ALDH4A1: variants seen among roughly 807,000 people sequenced by gnomAD.
The protein encoded by ALDH4A1 is delta-1-pyrroline-5-carboxylate dehydrogenase, mitochondrial.
Under a neutral mutation model 70.5 loss-of-function variants are expected in ALDH4A1, and 46 were observed. The ratio of observed to expected loss-of-function variants is 0.65; its 90% confidence interval spans 0.51 to 0.83. The LOEUF is 0.83. Among genes scored for constraint, ALDH4A1 ranks in the 40% least tolerant of loss-of-function variants. ALDH4A1 has a pLI of 0.00. For synonymous variants in ALDH4A1, 323 were observed against 324.3 expected (o/e 1.00, Z 0.04); for missense variants, 749 against 766.5 (o/e 0.98, Z 0.27).
Position 18,889,555 on chromosome 1 carries a change from C to A in ALDH4A1, c.157-101G>T. On this transcript the variant is annotated intron_variant, in intron 2 of 14. Transcript: ENST00000375341. ...CACAGACGGAGGTGCCCAGGCAATA[C>A]AGAAATGAGAAGGGGGCCAGGCCAG... is the stretch of plus-strand genomic sequence containing the variant. 7 of 1,108,914 alleles carry A rather than the reference C, an allele frequency of 6.3e-6. No individual in the cohort carries two copies. The South Asian group carries it at 9.4e-5, about 15-fold the overall frequency. The allele number at this position is 1,108,914 out of a possible 1,614,324, so 68.7% of individuals were successfully genotyped here.
chr1:18,887,624 T>C (rs1935268765), intron 3 of ALDH4A1, among the ~76,000 whole-genome samples: 2 of 151,658 alleles, frequency 1.3e-5, no homozygotes, highest in South Asian at 2.1e-4. Context: ...ATCCCTATCA[T>C]ATCTTGCTGG....
intron 7 of ALDH4A1, among the ~76,000 whole-genome samples, chr1:18,882,374 T>C (rs996596127): frequency 2.6e-4 from 39 of 152,138 alleles, no homozygotes; most frequent in African/African-American, 8.2e-4. Context: ...CAGCATCCAG[T>C]GCCCCTGTCT....
At chr1:18,883,747 G>A (rs1270448008) in intron 5 of ALDH4A1, among the ~76,000 whole-genome samples, 2 of 152,194 alleles carry the variant, frequency 1.3e-5, no homozygotes, top group Non-Finnish European at 2.9e-5. Context: ...CATGGCAAAG[G>A]ATCTATGGTC....
intron 1 of ALDH4A1, 154 bp from the exon 2 acceptor site, chr1:18,890,259 G>C: frequency 1.5e-6 from 1 of 656,074 alleles, no homozygotes; most frequent in East Asian, 2.8e-5. Context: ...ACCCCACCTT[G>C]GGCTGGGCAT....
chr1:18,889,496 C>T (rs377347571), intron 2 of ALDH4A1, 42 bp from the exon 3 acceptor site: 66 of 1,508,434 alleles, frequency 4.4e-5, no homozygotes, highest in Non-Finnish European at 5.3e-5. Flanking sequence ...CCGCCTTCCT[C>T]GCTTCCTCCC....
intron 5 of ALDH4A1, among the ~76,000 whole-genome samples, chr1:18,884,409 A>G (rs1487571430): frequency 6.6e-6 from 1 of 152,138 alleles, no homozygotes; most frequent in Admixed American, 6.5e-5. Context: ...TTTACCCTTC[A>G]GGAACCCAGG....
chr1:18,871,951 G>GA lies in ALDH4A1; in HGVS notation c.*893dup. On this transcript the variant is annotated 3_prime_UTR_variant, in exon 15 of 15. Transcript: ENST00000375341. ...AAGGCCAGGCCTCTGGGGGCTGGGA[G>GA]AAGGGAGGGCCAATGTCTGCCTTGG... The GA allele has an allele frequency of 6.6e-6, 1 of 152,506 alleles. No homozygotes were observed. Among genetic ancestry groups the GA allele is most frequent in the African/African-American group, 2.4e-5 (1 of 41,580 alleles). The allele number at this position is 152,506 out of a possible 1,614,324, so 9.4% of individuals were successfully genotyped here. A position where few individuals can be genotyped will look rare whatever the true frequency, so the allele number is the denominator to read the frequency against.
intron 9 of ALDH4A1, among the ~76,000 whole-genome samples, chr1:18,879,095 A>C (rs1241107042): frequency 1.3e-5 from 2 of 152,252 alleles, no homozygotes; most frequent in African/African-American, 2.4e-5. Context: ...CTCCATGGCC[A>C]TGTGTGGCTG....
At chr1:18,890,301 G>A (rs1935386573) in intron 1 of ALDH4A1, 196 bp from the exon 2 acceptor site, 1 of 550,536 alleles carries the variant, frequency 1.8e-6, no homozygotes, top group African/African-American at 1.9e-5. Context: ...CAGCACTTTG[G>A]GAGACCAAGG....
At position 18,872,858 on chromosome 1, in the gene ALDH4A1, G is replaced by A. The variant is rs773369554; in HGVS notation, c.1679C>T (p.Ala560Val). ...CCCGAGAGGGGCTCACTGCATGTAC[G>A]CGTAGCTCCAGTCCCCCAGGGGCTT... ...THKPLGDWSYAYMQ is the reference protein window; with the variant it reads ...THKPLGDWSYVYMQ Residue 560 changes from alanine (A) to valine (V), a missense_variant, in exon 15 of 15, where the codon GCG (alanine) becomes GTG (valine). Coordinates refer to ENST00000375341, the MANE Select transcript of ALDH4A1 (RefSeq NM_003748.4). 1.3e-5 allele frequency: 21 copies of A among 1,613,638 alleles called. No homozygotes were observed. Among genetic ancestry groups the A allele is most frequent in the African/African-American group, 2.7e-5 (2 of 74,946 alleles).
rs139447728 is a variant in ALDH4A1, at chr1:18,889,433, G to C, written c.178C>G (p.Arg60Gly). The change falls in exon 3 of 15, where the codon CGG becomes GGG. Residue 60 changes from arginine to glycine, a missense_variant. Coordinates refer to ENST00000375341, the MANE Select transcript of ALDH4A1 (RefSeq NM_003748.4). ...ACCACGCATGGGATGGCTTCCATCC[G>C]GCCCTTCAGGTCCTTCAAGGCCTGG... is the stretch of plus-strand genomic sequence containing the variant. ...LQKALKDLKG[R>G]MEAIPCVVGD... 1.3e-6 allele frequency: 2 copies of C among 1,552,172 alleles called. No individual in the cohort carries two copies. Among genetic ancestry groups the C allele is most frequent in the Non-Finnish European group, 8.7e-7 (1 of 1,147,252 alleles).
intron 1 of ALDH4A1, among the ~76,000 whole-genome samples, chr1:18,896,497 C>A (rs1416246138): frequency 2.0e-5 from 3 of 152,164 alleles, no homozygotes; most frequent in African/African-American, 7.2e-5. Context: ...ACTTTTCCAG[C>A]CATTATCTGG....
chr1:18,883,269 C>G lies in ALDH4A1; in HGVS notation c.603+10G>C. 6.2e-7 allele frequency: 1 copy of G among 1,613,206 alleles called. No individual in the cohort carries two copies. The highest frequency in any genetic ancestry group is 1.1e-5 in the South Asian group (1 of 91,082). ...GCCCCGCCTGCTCGCCCACTGCCTC[C>G]TGCAGGTACCTCCAGACCCCGGTAC... On this transcript the variant is annotated intron_variant, in intron 6 of 14. Coordinates refer to ENST00000375341, the MANE Select transcript of ALDH4A1 (RefSeq NM_003748.4).
chr1:18,889,695 C>CA (rs570380222), intron 2 of ALDH4A1, among the ~76,000 whole-genome samples: 157 of 152,346 alleles, frequency 1.0e-3, no homozygotes, highest in African/African-American at 3.7e-3. Flanking sequence ...AAAAAAACTG[C>CA]ACCTGAAACT....
rs530200417 is a variant in ALDH4A1, at chr1:18,890,273, G to A, written c.63-168C>T. 3 of 613,420 alleles carry A rather than the reference G, an allele frequency of 4.9e-6. No individual in the cohort carries two copies. In the Admixed American group the frequency reaches 7.5e-5, roughly 15 times the overall value. 38.0% of individuals were successfully genotyped at this position (613,420 alleles called of 1,614,324 possible). A position where few individuals can be genotyped will look rare whatever the true frequency, so the allele number is the denominator to read the frequency against. On this transcript the variant is annotated intron_variant, in intron 1 of 14. Transcript: ENST00000375341. ...AACCCCACCTTGGGCTGGGCATGGT[G>A]GCTCACACCTGTAATCCCAGCACTT...
At chr1:18,885,383 G>A in intron 5 of ALDH4A1, 90 bp downstream of exon 5, 1 of 1,374,772 alleles carries the variant, frequency 7.3e-7, no homozygotes, top group South Asian at 1.3e-5. Flanking sequence ...GGACCCAGAA[G>A]CGCTTCAGCT....
intron 1 of ALDH4A1, among the ~76,000 whole-genome samples, chr1:18,895,076 C>G (rs1437615197): frequency 1.3e-5 from 2 of 152,132 alleles, no homozygotes; most frequent in African/African-American, 2.4e-5. Flanking sequence ...GGCAACGATG[C>G]AGAGATAAAT....
intron 1 of ALDH4A1, among the ~76,000 whole-genome samples, chr1:18,894,682 C>T (rs2100605427): frequency 6.6e-6 from 1 of 152,304 alleles, no homozygotes; most frequent in Non-Finnish European, 1.5e-5. Context: ...ACCTCAGGAT[C>T]ACATGCCCCC....
At chr1:18,886,131 A>G (rs28451394) in intron 4 of ALDH4A1, among the ~76,000 whole-genome samples, 11,368 of 152,010 alleles carry the variant, frequency 0.075, 730 homozygotes, top group African/African-American at 0.17. Context: ...GCTTTCCATC[A>G]ATGGTGTCTC....
Sources: allele counts gnomAD v4.1 joint callset (sites outside exome capture counted in the v4.1 genomes callset), GRCh38; gene constraint gnomAD v4.1.1; transcripts MANE v1.5; gene names NCBI Gene and HGNC (gene_info 2026-07-23, HGNC 2026-07-21).